The following SRBD1 variants were observed in gnomAD, a reference collection of about 807,000 sequenced individuals.
The protein encoded by SRBD1 is S1 RNA binding domain 1.
Under a neutral mutation model 115.3 loss-of-function variants are expected in SRBD1, and 88 were observed. That is an observed-to-expected ratio of 0.76 (90% confidence interval 0.64 to 0.91). The LOEUF is 0.91. Ranked by LOEUF, SRBD1 falls within the 40% of genes least tolerant of loss-of-function variation. The probability of loss-of-function intolerance (pLI) is 0.00; values close to 1 mark genes in which losing one functional copy is unlikely to be tolerated. For synonymous variants in SRBD1, 509 were observed against 407.7 expected, an observed-to-expected ratio of 1.25 and a Z score of -2.99; for missense variants, 1,385 against 1,177.4, an observed-to-expected ratio of 1.18 and a Z score of -2.58.
At chr2:45,406,062 T>G (rs1667427844) in intron 19 of SRBD1, among the ~76,000 whole-genome samples, 1 of 152,114 alleles carries the variant, frequency 6.6e-6, no homozygotes, top group Non-Finnish European at 1.5e-5. Flanking sequence ...TTATAAAGCT[T>G]TATAAAGCTA....
At chr2:45,605,284 T>G in intron 2 of SRBD1, 78 bp downstream of exon 2, 1 of 1,402,798 alleles carries the variant, frequency 7.1e-7, no homozygotes, top group Non-Finnish European at 9.8e-7. Context: ...CTTAAGGAGT[T>G]AGAAAGTGAC....
chr2:45,523,403 C>T (rs757064569), intron 14 of SRBD1, among the ~76,000 whole-genome samples: 18 of 151,202 alleles, frequency 1.2e-4, no homozygotes, highest in Non-Finnish European at 1.3e-4. Context: ...AAGTTGAACT[C>T]AAAAGTTGGT....
chr2:45,416,813 C>G (rs1379229269), intron 18 of SRBD1, among the ~76,000 whole-genome samples: 1 of 152,020 alleles, frequency 6.6e-6, no homozygotes, highest in East Asian at 1.9e-4. Context: ...GGATCTTGTT[C>G]TGTCGCCCAG....
chr2:45,511,436 G>A (rs1670965716), intron 14 of SRBD1, among the ~76,000 whole-genome samples: 1 of 152,148 alleles, frequency 6.6e-6, no homozygotes, highest in Non-Finnish European at 1.5e-5. Context: ...TCATCTACCA[G>A]AAAGAGCTAT....
At chr2:45,418,645 C>A (rs568724726) in intron 17 of SRBD1, 104 bp from the exon 18 acceptor site, 3 of 929,118 alleles carry the variant, frequency 3.2e-6, no homozygotes, top group Admixed American at 3.7e-5. Context: ...TATCCTCATA[C>A]GGCTAAGTTA....
chr2:45,496,379 T>C (rs933600352), intron 14 of SRBD1, among the ~76,000 whole-genome samples: 1 of 151,430 alleles, frequency 6.6e-6, no homozygotes, highest in African/African-American at 2.4e-5. Context: ...CCAATAATAC[T>C]GACTATTAAA....
rs1209226372 is a variant in SRBD1, at chr2:45,545,315, A to AAAAAAAAC, written c.1874+1416_1874+1417insGTTTTTTT. ...AAAAAAAAAAAAAAAAAAAAAAAAA[A>AAAAAAAAC]CAGATGAACCCAGATTTGTCTGACC... On this transcript the variant is annotated intron_variant, in intron 14 of 20. Coordinates refer to ENST00000263736, the MANE Select transcript of SRBD1 (RefSeq NM_018079.5). Among the ~76,000 whole-genome samples the AAAAAAAAC allele has an allele frequency of 6.0e-3, 744 of 123,538 alleles. 26 individuals carry two copies. The highest frequency in any genetic ancestry group is 0.043 in the East Asian group (172 of 3,970). 81.0% of individuals were successfully genotyped at this position (123,538 alleles called of 152,430 possible). A position where few individuals can be genotyped will look rare whatever the true frequency, so the allele number is the denominator to read the frequency against.
chr2:45,458,282 G>A (rs923853707), intron 16 of SRBD1, among the ~76,000 whole-genome samples: 2 of 152,008 alleles, frequency 1.3e-5, no homozygotes, highest in African/African-American at 4.8e-5. Flanking sequence ...GAAAACATTT[G>A]TTTTATTTTG....
At chr2:45,392,757 T>G (rs1172947944) in intron 20 of SRBD1, among the ~76,000 whole-genome samples, 188 bp downstream of exon 20, 4 of 152,220 alleles carry the variant, frequency 2.6e-5, no homozygotes, top group Non-Finnish European at 4.4e-5. Context: ...ACCACCTGGC[T>G]TCTAGCTTTG....
intron 19 of SRBD1, 123 bp downstream of exon 19, chr2:45,412,991 C>G (rs1667647710): frequency 8.8e-7 from 1 of 1,138,496 alleles, no homozygotes; most frequent in Admixed American, 2.6e-5. Flanking sequence ...TGCAGAACTT[C>G]TGAAAAATGT....
chr2:45,406,678 T>C (rs1667446994), intron 19 of SRBD1, among the ~76,000 whole-genome samples: 1 of 152,132 alleles, frequency 6.6e-6, no homozygotes, highest in African/African-American at 2.4e-5. Context: ...CTTCAGGAAA[T>C]AGCATATCTG....
intron 14 of SRBD1, among the ~76,000 whole-genome samples, chr2:45,541,386 A>G (rs1357600084): frequency 6.6e-6 from 1 of 152,232 alleles, no homozygotes; most frequent in African/African-American, 2.4e-5. Context: ...CAAGGTCTGC[A>G]GCATGGCAGG....
At chr2:45,585,525 A>G in intron 5 of SRBD1, 83 bp downstream of exon 5, 1 of 1,431,398 alleles carries the variant, frequency 7.0e-7, no homozygotes, top group Non-Finnish European at 9.5e-7. Context: ...TGAAATTGTC[A>G]AATATACCGT....
At chr2:45,513,415 C>A (rs1671028684) in intron 14 of SRBD1, among the ~76,000 whole-genome samples, 1 of 119,970 alleles carries the variant, frequency 8.3e-6, no homozygotes. Flanking sequence ...CAGAATGCCC[C>A]TTAAGGAAAA....
intron 20 of SRBD1, 92 bp from the exon 21 acceptor site, chr2:45,389,691 C>T (rs1666945347): frequency 8.0e-7 from 1 of 1,245,130 alleles, no homozygotes; most frequent in Admixed American, 2.6e-5. Context: ...ATACTATGTG[C>T]CCAGACCAAT....
chr2:45,438,315 G>A (rs1040127114), intron 16 of SRBD1, among the ~76,000 whole-genome samples: 1 of 152,130 alleles, frequency 6.6e-6, no homozygotes, highest in Non-Finnish European at 1.5e-5. Context: ...ACAACACAGA[G>A]CATCCACAAT....
intron 1 of SRBD1, among the ~76,000 whole-genome samples, chr2:45,608,714 G>C (rs1001356150): frequency 2.6e-5 from 4 of 152,018 alleles, no homozygotes; most frequent in Non-Finnish European, 5.9e-5. Context: ...ATCCACAATG[G>C]AACTCTTGAT....
At chr2:45,409,424 A>C (rs1667530442) in intron 19 of SRBD1, among the ~76,000 whole-genome samples, 1 of 151,816 alleles carries the variant, frequency 6.6e-6, no homozygotes, top group African/African-American at 2.4e-5. Flanking sequence ...AAAAATCTGA[A>C]CCATGGCCCA....
intron 16 of SRBD1, among the ~76,000 whole-genome samples, chr2:45,434,788 T>C (rs905758476): frequency 1.3e-5 from 2 of 151,892 alleles, no homozygotes; most frequent in African/African-American, 4.8e-5. Context: ...TTTTTAATTA[T>C]ACTTTAAGTT....
Sources: gnomAD v4.1 joint callset for allele counts (sites outside exome capture counted in the v4.1 genomes callset) on GRCh38, gnomAD v4.1.1 for gene constraint, MANE v1.5 for transcripts, NCBI Gene and HGNC (gene_info 2026-07-23, HGNC 2026-07-21) for gene names.